Variants in LRRC4C observed in about 807,000 individuals in gnomAD.
LRRC4C encodes leucine-rich repeat-containing protein 4C.
Under a neutral mutation model 33.6 loss-of-function variants are expected in LRRC4C, and 5 were observed. The observed-to-expected ratio is 0.15, with a 90% CI of 0.08 to 0.31. The LOEUF is 0.31. Among genes scored for constraint, LRRC4C ranks in the 10% least tolerant of loss-of-function variants. The pLI, the probability that LRRC4C is intolerant of heterozygous loss-of-function variation, is 1.00. For missense variants in LRRC4C, 560 were observed against 796.7 expected, an observed-to-expected ratio of 0.70 and a Z score of 3.58; for synonymous variants, 329 against 302.0, an observed-to-expected ratio of 1.09 and a Z score of -0.93.
At chr11:40,696,318 A>G (rs1344695569) in intron 2 of LRRC4C, among the ~76,000 whole-genome samples, 3 of 120,762 alleles carry the variant, frequency 2.5e-5, no homozygotes, top group African/African-American at 1.0e-4. Context: ...TATATGTGGT[A>G]TATATATGAG....
At chr11:40,266,146 T>C (rs892844969) in intron 4 of LRRC4C, among the ~76,000 whole-genome samples, 8 of 151,506 alleles carry the variant, frequency 5.3e-5, no homozygotes, top group African/African-American at 1.9e-4. Flanking sequence ...AAAAATAAAA[T>C]AATTAGCCAG....
intron 2 of LRRC4C, among the ~76,000 whole-genome samples, chr11:40,882,807 G>A (rs1329614286): frequency 6.6e-6 from 1 of 152,078 alleles, no homozygotes; most frequent in Non-Finnish European, 1.5e-5. Flanking sequence ...TGGAGTTGGA[G>A]TGAGAGTCAG....
chr11:41,314,530 C>A (rs1950730762), intron 1 of LRRC4C, among the ~76,000 whole-genome samples: 1 of 152,148 alleles, frequency 6.6e-6, no homozygotes, highest in Admixed American at 6.5e-5. Flanking sequence ...GAGAGACCCT[C>A]TTGAGCTATC....
rs368252667 is a variant in LRRC4C at position 40,374,772 on chromosome 11, A to C, written c.-269-55051T>G. On this transcript the variant is annotated intron_variant, in intron 3 of 6. Coordinates refer to ENST00000528697, the MANE Select transcript of LRRC4C (RefSeq NM_001258419.2). ...TGTTATTAATCAGGATACTATATTT[A>C]CCTCTGTAAGTGCCTCATTTATCAT... is the stretch of plus-strand genomic sequence containing the variant. Among the ~76,000 whole-genome samples the C allele has an allele frequency of 4.8e-4, 73 of 152,200 alleles. No homozygotes were observed. In the East Asian group the frequency reaches 0.013, roughly 27 times the overall value.
intron 2 of LRRC4C, among the ~76,000 whole-genome samples, chr11:40,725,375 G>T (rs571834064): frequency 6.6e-6 from 1 of 152,078 alleles, no homozygotes; most frequent in Admixed American, 6.5e-5. Context: ...GGGCATGGTG[G>T]CAGGTGCTTG....
intron 2 of LRRC4C, among the ~76,000 whole-genome samples, chr11:40,932,103 AG>A (rs1957654777): frequency 6.6e-6 from 1 of 152,264 alleles, no homozygotes; most frequent in East Asian, 1.9e-4. Flanking sequence ...GGGATATAAA[AG>A]AGAATTTGCA....
chr11:41,249,200 A>C (rs1255982891), intron 1 of LRRC4C, among the ~76,000 whole-genome samples: 1 of 151,854 alleles, frequency 6.6e-6, no homozygotes, highest in Non-Finnish European at 1.5e-5. Flanking sequence ...ACGCCTGGCT[A>C]ATTTTTTGTA....
At chr11:40,246,314 A>G (rs1197040568) in intron 4 of LRRC4C, among the ~76,000 whole-genome samples, 1 of 152,164 alleles carries the variant, frequency 6.6e-6, no homozygotes, top group African/African-American at 2.4e-5. Context: ...AGGAAAAGAA[A>G]AAAGACAATA....
intron 1 of LRRC4C, among the ~76,000 whole-genome samples, chr11:41,267,674 A>G (rs747869049): frequency 6.6e-6 from 1 of 152,128 alleles, no homozygotes; most frequent in Non-Finnish European, 1.5e-5. Flanking sequence ...GCAGATTTGA[A>G]ACATAATATT....
chr11:40,360,302 T>C (rs1316423285), intron 3 of LRRC4C, among the ~76,000 whole-genome samples: 1 of 152,114 alleles, frequency 6.6e-6, no homozygotes, highest in East Asian at 1.9e-4. Flanking sequence ...AAAGGCAGAA[T>C]ATCAGAGAGG....
At chr11:40,356,758 T>C (rs909290602) in intron 3 of LRRC4C, among the ~76,000 whole-genome samples, 1 of 152,204 alleles carries the variant, frequency 6.6e-6, no homozygotes, top group African/African-American at 2.4e-5. Context: ...TATTACATTA[T>C]ATCATGAAGA....
intron 3 of LRRC4C, among the ~76,000 whole-genome samples, chr11:40,562,760 G>A (rs781094481): frequency 6.6e-6 from 1 of 152,062 alleles, no homozygotes; most frequent in Non-Finnish European, 1.5e-5. Context: ...ACTACTCCAA[G>A]CCAATGGCTG....
chr11:40,475,652 C>A (rs1417663401), intron 3 of LRRC4C, among the ~76,000 whole-genome samples: 1 of 151,986 alleles, frequency 6.6e-6, no homozygotes, highest in Non-Finnish European at 1.5e-5. Flanking sequence ...GGTTCAGTGG[C>A]GCTACTAATG....
chr11:40,308,638 C>T (rs1945155608), intron 4 of LRRC4C, among the ~76,000 whole-genome samples: 1 of 152,112 alleles, frequency 6.6e-6, no homozygotes, highest in Non-Finnish European at 1.5e-5. Context: ...TCAAGCCAAC[C>T]ACAAACTTTT....
At chr11:41,218,448 G>A (rs1393239125) in intron 1 of LRRC4C, among the ~76,000 whole-genome samples, 1 of 152,188 alleles carries the variant, frequency 6.6e-6, no homozygotes, top group Admixed American at 6.5e-5. Context: ...CACCTGTGAT[G>A]CACTCACTGC....
chr11:41,169,465 A>G (rs913916770), intron 1 of LRRC4C, among the ~76,000 whole-genome samples: 1 of 152,116 alleles, frequency 6.6e-6, no homozygotes, highest in Non-Finnish European at 1.5e-5. Flanking sequence ...CCACTTCCAC[A>G]TACTGATTCT....
chr11:40,711,035 T>G (rs1000199841), intron 2 of LRRC4C, among the ~76,000 whole-genome samples: 1 of 152,202 alleles, frequency 6.6e-6, no homozygotes, highest in Non-Finnish European at 1.5e-5. Flanking sequence ...TGCCATTTGC[T>G]AAGACCACTG....
At chr11:40,586,906 A>T (rs907048975) in intron 3 of LRRC4C, among the ~76,000 whole-genome samples, 12 of 152,102 alleles carry the variant, frequency 7.9e-5, no homozygotes, top group African/African-American at 2.4e-4. Context: ...AGTCAGGTAG[A>T]GTGATGCCTC....
intron 1 of LRRC4C, among the ~76,000 whole-genome samples, chr11:41,251,070 A>T (rs536439718): frequency 6.6e-6 from 1 of 152,328 alleles, no homozygotes; most frequent in African/African-American, 2.4e-5. Context: ...TTTACACTCA[A>T]CCAAAAATAA....
Sources: gnomAD v4.1 joint callset for allele counts (sites outside exome capture counted in the v4.1 genomes callset) on GRCh38, gnomAD v4.1.1 for gene constraint, MANE v1.5 for transcripts, NCBI Gene and HGNC (gene_info 2026-07-23, HGNC 2026-07-21) for gene names.